The following SEC11C variants were observed in gnomAD, a reference collection of about 807,000 sequenced individuals.
SEC11C encodes signal peptidase complex catalytic subunit SEC11C.
A neutral mutation model predicts 21.9 loss-of-function variants in SEC11C; 10 were observed. That is an observed-to-expected ratio of 0.46 (90% confidence interval 0.28 to 0.77). The LOEUF (loss-of-function observed/expected upper bound fraction) is 0.77. Among genes scored for constraint, SEC11C ranks in the 30% least tolerant of loss-of-function variants. The pLI, the probability that SEC11C is intolerant of heterozygous loss-of-function variation, is 0.12. For missense variants in SEC11C, 145 were observed against 244.5 expected (o/e 0.59, Z 2.71); for synonymous variants, 83 against 85.6 (o/e 0.97, Z 0.17).
At chr18:59,151,188 G>T (rs1385100398) in intron 2 of SEC11C, among the ~76,000 whole-genome samples, 1 of 152,150 alleles carries the variant, frequency 6.6e-6, no homozygotes, top group Non-Finnish European at 1.5e-5. Flanking sequence ...TGCAGTCTGT[G>T]CAGGGATCTT....
At chr18:59,158,563 C>A in intron 5 of SEC11C, 69 bp from the exon 6 acceptor site, 1 of 1,234,158 alleles carries the variant, frequency 8.1e-7, no homozygotes, top group Non-Finnish European at 1.2e-6. Context: ...CGGACTTCAT[C>A]TGAATACATT....
intron 4 of SEC11C, 187 bp downstream of exon 4, chr18:59,155,994 T>C (rs1244511713): frequency 1.2e-5 from 7 of 578,564 alleles, no homozygotes; most frequent in East Asian, 1.1e-4. Context: ...AATCTAAAAC[T>C]GAACCCAATT....
intron 1 of SEC11C, among the ~76,000 whole-genome samples, chr18:59,149,173 C>T (rs866045697): frequency 9.2e-5 from 14 of 152,160 alleles, no homozygotes; most frequent in African/African-American, 1.9e-4. Flanking sequence ...TGGTCTGCAT[C>T]GGGAGGCTCT....
chr18:59,156,191 G>A (rs2069415956), intron 4 of SEC11C: 1 of 155,398 alleles, frequency 6.4e-6, no homozygotes, highest in African/African-American at 2.4e-5. Context: ...TAAAAAATTT[G>A]TTCTAAAAAA....
intron 2 of SEC11C, among the ~76,000 whole-genome samples, chr18:59,151,855 A>G (rs2069358839): frequency 6.6e-6 from 1 of 152,250 alleles, no homozygotes; most frequent in South Asian, 2.1e-4. Flanking sequence ...TTAAAATTTC[A>G]GCTTCCAGCA....
chr18:59,143,436 A>G (rs996360404), intron 1 of SEC11C, among the ~76,000 whole-genome samples: 1 of 152,176 alleles, frequency 6.6e-6, no homozygotes, highest in African/African-American at 2.4e-5. Flanking sequence ...GCACCAAAAT[A>G]CATTAACAAT....
At chr18:59,155,851 C>G in intron 4 of SEC11C, 44 bp downstream of exon 4, 1 of 1,601,564 alleles carries the variant, frequency 6.2e-7, no homozygotes, top group Non-Finnish European at 8.5e-7. Flanking sequence ...ATGAAAAACA[C>G]TTAGAAATGA....
chr18:59,157,986 ATCTC>A (rs141922256), intron 5 of SEC11C, among the ~76,000 whole-genome samples: 61 of 151,796 alleles, frequency 4.0e-4, no homozygotes, highest in Middle Eastern at 3.4e-3. Flanking sequence ...CAAAAATGGT[ATCTC>A]TCTCTCTCTC....
chr18:59,149,750 T>C, intron 2 of SEC11C, 128 bp downstream of exon 2: 1 of 507,790 alleles, frequency 2.0e-6, no homozygotes, highest in South Asian at 4.0e-5. Flanking sequence ...TTGGATAAAT[T>C]ATTAGTCTTT....
At position 59,140,066 on chromosome 18, in the gene SEC11C, G is replaced by T. The variant is rs771298863; in HGVS notation, c.87+31G>T. The T allele has an allele frequency of 2.6e-6, 4 of 1,542,104 alleles. No individual in the cohort carries two copies. The African/African-American group carries it at 4.2e-5, about 16-fold the overall frequency. ...GGAGGAGGGTGGTGAGCGCGCCGTG[G>T]CCGGGACCGCCTGTGCTAGCGGGGA... On this transcript the variant is annotated intron_variant, in intron 1 of 5. Coordinates refer to ENST00000587834, the MANE Select transcript of SEC11C (RefSeq NM_033280.4).
rs1452767406 is a variant in SEC11C at position 59,149,387 on chromosome 18, C to T, written c.88-126C>T. 1.4e-5 allele frequency: 8 copies of T among 589,766 alleles called. No homozygotes were observed. The East Asian group carries it at 1.9e-4, about 14-fold the overall frequency. 36.5% of individuals were successfully genotyped at this position (589,766 alleles called of 1,614,324 possible). The stretch of plus-strand genomic sequence containing the variant: ...AGTTGAAATACTGCAGAATTTTGTA[C>T]CTTGTGTTAGTTTCCTGTCCTAAAA... On this transcript the variant is annotated intron_variant, in intron 1 of 5. Coordinates refer to ENST00000587834, the MANE Select transcript of SEC11C (RefSeq NM_033280.4).
intron 1 of SEC11C, among the ~76,000 whole-genome samples, chr18:59,142,098 A>G (rs1603376163): frequency 6.6e-6 from 1 of 152,186 alleles, no homozygotes; most frequent in Non-Finnish European, 1.5e-5. Context: ...CAGTAGTTCA[A>G]TCAAAATTAC....
At chr18:59,140,888 T>C (rs2069202324) in intron 1 of SEC11C, among the ~76,000 whole-genome samples, 1 of 152,122 alleles carries the variant, frequency 6.6e-6, no homozygotes, top group Non-Finnish European at 1.5e-5. Context: ...AAAATACGAC[T>C]ATGTAGGCTT....
In SEC11C at chr18:59,157,504, T is replaced by A. The variant is rs1485240441; in HGVS notation, c.468-104T>A. On this transcript the variant is annotated intron_variant, in intron 4 of 5. Coordinates refer to ENST00000587834, the MANE Select transcript of SEC11C (RefSeq NM_033280.4). ...TACAGCCCTGGTCAGTGGCATTCCC[T>A]CGTACAATTCATTTCTTAAGACTGA... The A allele has an allele frequency of 2.4e-5, 20 of 825,700 alleles. No individual in the cohort carries two copies. The Admixed American group carries it at 3.5e-4, about 15-fold the overall frequency. The allele number at this position is 825,700 out of a possible 1,614,324, so 51.1% of individuals were successfully genotyped here. A position where few individuals can be genotyped will look rare whatever the true frequency, so the allele number is the denominator to read the frequency against.
At chr18:59,141,112 T>C (rs951492220) in intron 1 of SEC11C, among the ~76,000 whole-genome samples, 3 of 151,716 alleles carry the variant, frequency 2.0e-5, no homozygotes, top group Non-Finnish European at 2.9e-5. Context: ...CCATGGGAGG[T>C]CACAGCTTAC....
At chr18:59,140,091 A>C in intron 1 of SEC11C, 56 bp downstream of exon 1, 1 of 1,452,802 alleles carries the variant, frequency 6.9e-7, no homozygotes. Flanking sequence ...GCTAGCGGGG[A>C]GTCGGGGCTT....
intron 4 of SEC11C, 178 bp from the exon 5 acceptor site, chr18:59,157,430 T>C (rs773882792): frequency 5.8e-6 from 3 of 521,148 alleles, no homozygotes; most frequent in Admixed American, 7.7e-5. Context: ...CTGCCAGTGC[T>C]GATGCTCCTT....
At chr18:59,156,585 CA>C (rs1208507014) in intron 4 of SEC11C, 1 of 152,190 alleles carries the variant, frequency 6.6e-6, no homozygotes, top group Non-Finnish European at 1.5e-5. Flanking sequence ...AGTTGTCCAG[CA>C]ATGAGTTCTG....
At chr18:59,145,288 G>A (rs2069259475) in intron 1 of SEC11C, among the ~76,000 whole-genome samples, 1 of 152,202 alleles carries the variant, frequency 6.6e-6, no homozygotes, top group Non-Finnish European at 1.5e-5. Flanking sequence ...CGCTACATTG[G>A]CAGGGCTGAG....
Sources: allele counts gnomAD v4.1 joint callset (sites outside exome capture counted in the v4.1 genomes callset), GRCh38; gene constraint gnomAD v4.1.1; transcripts MANE v1.5; gene names NCBI Gene and HGNC (gene_info 2026-07-23, HGNC 2026-07-21).